C10orf90: variants seen among roughly 807,000 people sequenced by gnomAD.
The protein encoded by C10orf90 is (E2-independent) E3 ubiquitin-conjugating enzyme FATS.
Under a neutral mutation model 62.5 loss-of-function variants are expected in C10orf90, and 56 were observed. The observed-to-expected ratio is 0.90, with a 90% CI of 0.72 to 1.12. The LOEUF (loss-of-function observed/expected upper bound fraction) is 1.12. Ranked by LOEUF, C10orf90 falls within the 50% of genes most tolerant of loss-of-function variation. The pLI is 0.00. For synonymous variants in C10orf90, 386 were observed against 340.4 expected (o/e 1.13, Z -1.47); for missense variants, 970 against 880.4 (o/e 1.10, Z -1.29).
chr10:126,521,786 T>C (rs970673160), intron 2 of C10orf90, among the ~76,000 whole-genome samples: 1 of 152,236 alleles, frequency 6.6e-6, no homozygotes, highest in Non-Finnish European at 1.5e-5. Flanking sequence ...TAAGACTGAT[T>C]GGTTTTCAAT....
In C10orf90 at chr10:126,663,471, C is replaced by T. The variant is rs1475888661; in HGVS notation, c.240+6770G>A. Among the ~76,000 whole-genome samples the T allele has an allele frequency of 3.3e-5, 5 of 152,338 alleles. No homozygotes were observed. The East Asian group carries it at 9.7e-4, about 29-fold the overall frequency. ...TCTCTCTGGCCTCACAGAATTTTCT[C>T]TTTGGAAAAATAGGCCTCATGTGTC... On this transcript the variant is annotated intron_variant, in intron 1 of 9. Transcript: ENST00000488181.
chr10:126,429,736 C>T (rs1375321202), intron 8 of C10orf90, 51 bp downstream of exon 8: 2 of 1,540,110 alleles, frequency 1.3e-6, no homozygotes, highest in East Asian at 4.5e-5. Context: ...GCCATCAAAC[C>T]ACCCTACTCC....
At position 126,459,186 on chromosome 10, in the gene C10orf90, A is replaced by G. The variant is rs750166769; in HGVS notation, c.2042T>C (p.Ile681Thr). 1.2e-6 allele frequency: 2 copies of G among 1,614,172 alleles called. No homozygotes were observed. Among genetic ancestry groups the G allele is most frequent in the Non-Finnish European group, 1.7e-6 (2 of 1,180,042 alleles). ...EALEVRKPQF[I>T]SRSQERLKKL... ...CTTCAGCCGTTCTTGTGAGCGAGAAATGAACTGAGGCTTACGAACTTCCAG... is the reference window on the plus strand; with the variant it reads ...CTTCAGCCGTTCTTGTGAGCGAGAAGTGAACTGAGGCTTACGAACTTCCAG... Residue 681 changes from isoleucine to threonine, a missense_variant, in exon 7 of 10, where the codon ATT becomes ACT. Ile to Thr is a moderately conservative substitution (Grantham distance 89, BLOSUM62 -1). Transcript: ENST00000488181.
intron 2 of C10orf90, among the ~76,000 whole-genome samples, chr10:126,578,624 G>T (rs970958312): frequency 6.6e-5 from 10 of 152,134 alleles, no homozygotes; most frequent in African/African-American, 2.4e-4. Context: ...CAATAGAAAT[G>T]CTTACGTATG....
chr10:126,549,388 A>G (rs1426007250), intron 2 of C10orf90, among the ~76,000 whole-genome samples: 1 of 152,258 alleles, frequency 6.6e-6, no homozygotes, highest in Non-Finnish European at 1.5e-5. Flanking sequence ...GGAAACACAG[A>G]TGGCAAATAA....
At chr10:126,669,931 C>T (rs1296368533) in intron 1 of C10orf90, among the ~76,000 whole-genome samples, 1 of 152,148 alleles carries the variant, frequency 6.6e-6, no homozygotes, top group Non-Finnish European at 1.5e-5. Flanking sequence ...CAGAAACATG[C>T]TGTAGTTTCT....
At chr10:126,638,129 A>G (rs1001521103) in intron 2 of C10orf90, among the ~76,000 whole-genome samples, 9 of 152,156 alleles carry the variant, frequency 5.9e-5, no homozygotes, top group Non-Finnish European at 1.2e-4. Flanking sequence ...GGCGGGCTCT[A>G]GGTCGGGGTT....
chr10:126,533,647 G>C (rs1178033805), intron 2 of C10orf90, among the ~76,000 whole-genome samples: 1 of 152,172 alleles, frequency 6.6e-6, no homozygotes, highest in Non-Finnish European at 1.5e-5. Context: ...TCTGGACATG[G>C]GGAAATAACA....
chr10:126,476,489 C>A (rs1026893177), intron 4 of C10orf90, among the ~76,000 whole-genome samples: 1 of 152,172 alleles, frequency 6.6e-6, no homozygotes. Context: ...CAGGCCAGGC[C>A]GCAGGCAGGA....
chr10:126,523,658 A>C (rs1863846506), intron 2 of C10orf90: 1 of 152,186 alleles, frequency 6.6e-6, no homozygotes, highest in African/African-American at 2.4e-5. Context: ...ACATGCAAGC[A>C]TTACCATCAT....
intron 7 of C10orf90, among the ~76,000 whole-genome samples, chr10:126,449,378 A>G (rs1379803830): frequency 6.6e-6 from 1 of 152,208 alleles, no homozygotes; most frequent in African/African-American, 2.4e-5. Context: ...GTGTAGAAGG[A>G]ATATACCTCA....
intron 2 of C10orf90, among the ~76,000 whole-genome samples, chr10:126,630,626 T>C (rs550831573): frequency 1.3e-5 from 2 of 152,292 alleles, no homozygotes; most frequent in East Asian, 3.9e-4. Flanking sequence ...TCTGTGGCTC[T>C]GAAGCCCCCA....
intron 8 of C10orf90, among the ~76,000 whole-genome samples, chr10:126,427,794 A>G (rs1382557085): frequency 6.6e-6 from 1 of 152,142 alleles, no homozygotes; most frequent in Non-Finnish European, 1.5e-5. Context: ...ACTTGGACTG[A>G]GCCACTACTG....
chr10:126,429,695 G>A, intron 8 of C10orf90, 92 bp downstream of exon 8: 1 of 991,254 alleles, frequency 1.0e-6, no homozygotes, highest in Non-Finnish European at 1.6e-6. Context: ...CATGGACCTA[G>A]AAGCAGTGGT....
chr10:126,454,198 C>T (rs761623394), intron 7 of C10orf90, among the ~76,000 whole-genome samples: 6 of 152,002 alleles, frequency 3.9e-5, no homozygotes, highest in Non-Finnish European at 7.4e-5. Flanking sequence ...GCTCTGCCCC[C>T]TACTACTTGC....
intron 2 of C10orf90, among the ~76,000 whole-genome samples, chr10:126,620,362 C>T (rs1455309096): frequency 1.3e-5 from 2 of 152,206 alleles, no homozygotes; most frequent in Non-Finnish European, 2.9e-5. Context: ...CGGGTGACTA[C>T]ACCTGCAAGT....
chr10:126,537,449 C>T (rs2133962983), intron 2 of C10orf90, among the ~76,000 whole-genome samples: 1 of 152,312 alleles, frequency 6.6e-6, no homozygotes, highest in Admixed American at 6.5e-5. Flanking sequence ...GAAAACGGAA[C>T]ATCTTTAATA....
At chr10:126,634,870 A>G (rs974383) in intron 2 of C10orf90, among the ~76,000 whole-genome samples, 134 of 152,326 alleles carry the variant, frequency 8.8e-4, no homozygotes, top group African/African-American at 3.1e-3. Flanking sequence ...CTAAGGAAAG[A>G]ACAGTATCCT....
intron 2 of C10orf90, among the ~76,000 whole-genome samples, chr10:126,526,023 A>AACACACACACACACACACACAC (rs3040780): frequency 4.3e-5 from 6 of 138,962 alleles, no homozygotes; most frequent in African/African-American, 1.6e-4. Context: ...CACCTGCCAC[A>AACACACACACACACACACACAC]ACACACACAC....
Sources: gnomAD v4.1 joint callset for allele counts (sites outside exome capture counted in the v4.1 genomes callset) on GRCh38, gnomAD v4.1.1 for gene constraint, MANE v1.5 for transcripts, NCBI Gene and HGNC (gene_info 2026-07-23, HGNC 2026-07-21) for gene names.